Variants in ELMO1 observed in about 807,000 individuals in gnomAD.
ELMO1 encodes the protein engulfment and cell motility protein 1.
ELMO1 carries 26 observed loss-of-function variants against 98.9 expected under a neutral mutation model. The observed-to-expected ratio is 0.26, with a 90% CI of 0.19 to 0.36. The LOEUF (loss-of-function observed/expected upper bound fraction) is 0.36, where lower values mean the gene tolerates loss of function less well. ELMO1 is among the 10% of genes least tolerant of loss of function. The pLI is 1.00. For synonymous variants in ELMO1, 346 were observed against 346.0 expected, an observed-to-expected ratio of 1.00 and a Z score of 0.00; for missense variants, 627 against 935.2, an observed-to-expected ratio of 0.67 and a Z score of 4.30.
At chr7:37,090,319 T>A (rs1381205107) in intron 15 of ELMO1, among the ~76,000 whole-genome samples, 2 of 152,216 alleles carry the variant, frequency 1.3e-5, no homozygotes, top group Non-Finnish European at 2.9e-5. Context: ...CTGTACACCA[T>A]CATGCTCACA....
intron 1 of ELMO1, among the ~76,000 whole-genome samples, chr7:37,448,396 CCCCT>C (rs1296112533): frequency 6.6e-6 from 1 of 152,014 alleles, no homozygotes; most frequent in Non-Finnish European, 1.5e-5. Context: ...CCTCCAGCGC[CCCCT>C]CCCTCCGCTC....
At chr7:36,860,627 AC>A (rs1212551026) in intron 21 of ELMO1, among the ~76,000 whole-genome samples, 1 of 152,250 alleles carries the variant, frequency 6.6e-6, no homozygotes, top group East Asian at 1.9e-4. Flanking sequence ...GTAGTTTTGT[AC>A]ACAGCTCTAT....
At chr7:37,385,635 G>C (rs1243032024) in intron 1 of ELMO1, among the ~76,000 whole-genome samples, 1 of 152,230 alleles carries the variant, frequency 6.6e-6, no homozygotes, top group Non-Finnish European at 1.5e-5. Context: ...GAATAGAAAA[G>C]AAGCTTCATG....
intron 1 of ELMO1, among the ~76,000 whole-genome samples, chr7:37,413,651 G>C (rs182604677): frequency 1.3e-5 from 2 of 152,182 alleles, no homozygotes; most frequent in Admixed American, 6.5e-5. Flanking sequence ...TGTCACTCAG[G>C]AAAACACCCT....
At chr7:36,899,916 T>C (rs1806365325) in intron 16 of ELMO1, among the ~76,000 whole-genome samples, 1 of 152,104 alleles carries the variant, frequency 6.6e-6, no homozygotes, top group Admixed American at 6.5e-5. Flanking sequence ...CCTAATATAC[T>C]GAATAGAACA....
intron 15 of ELMO1, among the ~76,000 whole-genome samples, chr7:37,090,157 A>C (rs1039131208): frequency 2.6e-5 from 4 of 151,750 alleles, no homozygotes; most frequent in African/African-American, 9.7e-5. Context: ...TAATGACATC[A>C]CCGGACAGGT....
At chr7:37,419,612 A>T (rs1804383924) in intron 1 of ELMO1, 1 of 130,280 alleles carries the variant, frequency 7.7e-6, no homozygotes, top group Admixed American at 8.8e-5. Flanking sequence ...AGATGCAGAA[A>T]ACTATAAAGA....
At chr7:37,082,619 T>C (rs538033000) in intron 15 of ELMO1, among the ~76,000 whole-genome samples, 28 of 152,212 alleles carry the variant, frequency 1.8e-4, no homozygotes, top group African/African-American at 6.7e-4. Flanking sequence ...TGGTTCCAGC[T>C]ACTTGGGAGG....
chr7:36,903,191 T>G (rs1783706080), intron 16 of ELMO1, among the ~76,000 whole-genome samples: 2 of 152,214 alleles, frequency 1.3e-5, no homozygotes. Flanking sequence ...TCCTGTGCCT[T>G]CATTCCTGCC....
chr7:37,252,400 C>T (rs1795400434), intron 6 of ELMO1, among the ~76,000 whole-genome samples: 1 of 152,192 alleles, frequency 6.6e-6, no homozygotes, highest in African/African-American at 2.4e-5. Flanking sequence ...ACCAATGGAA[C>T]AGAACAAGAC....
chr7:37,138,319 C>A lies in ELMO1; in HGVS notation c.1087-5085G>T, dbSNP rs187081126. Reference sequence around the variant, plus strand: ...AAGATAAAAAAAAAAAGAAGATAGACCATTAGTGAGATTAACCAAAAAAAG... The same window carrying A: ...AAGATAAAAAAAAAAAGAAGATAGAACATTAGTGAGATTAACCAAAAAAAG... On this transcript the variant is annotated intron_variant, in intron 13 of 21. Transcript: ENST00000310758. Among the ~76,000 whole-genome samples the A allele has an allele frequency of 2.3e-3, 341 of 148,942 alleles. 1 individual carries two copies. Among genetic ancestry groups the A allele is most frequent in the African/African-American group, 7.9e-3 (321 of 40,710 alleles).
At chr7:36,989,510 A>G (rs1791730640) in intron 16 of ELMO1, among the ~76,000 whole-genome samples, 1 of 152,232 alleles carries the variant, frequency 6.6e-6, no homozygotes, top group South Asian at 2.1e-4. Flanking sequence ...ATGTTTTTGT[A>G]AAGGAGGAGA....
intron 15 of ELMO1, among the ~76,000 whole-genome samples, chr7:37,084,447 C>T (rs145524934): frequency 6.6e-6 from 1 of 152,246 alleles, no homozygotes; most frequent in African/African-American, 2.4e-5. Context: ...GAGTCTAGTC[C>T]TCAAAGGGCT....
intron 6 of ELMO1, among the ~76,000 whole-genome samples, chr7:37,255,171 T>G (rs922442886): frequency 1.3e-5 from 2 of 152,182 alleles, no homozygotes; most frequent in Admixed American, 1.3e-4. Flanking sequence ...TGGGACAGTA[T>G]TTGGAGATAA....
chr7:36,995,560 G>C (rs1792148993), intron 16 of ELMO1, among the ~76,000 whole-genome samples: 2 of 151,642 alleles, frequency 1.3e-5, no homozygotes, highest in Non-Finnish European at 2.9e-5. Context: ...ATTTAGTTGA[G>C]ATATAATTTT....
At chr7:37,280,774 A>G (rs1797094602) in intron 4 of ELMO1, among the ~76,000 whole-genome samples, 1 of 152,126 alleles carries the variant, frequency 6.6e-6, no homozygotes, top group Non-Finnish European at 1.5e-5. Flanking sequence ...TACTATAGCC[A>G]CTGTGGAAAC....
intron 15 of ELMO1, among the ~76,000 whole-genome samples, chr7:37,086,743 C>CAAAAAAAAA (rs755237121): frequency 6.1e-5 from 3 of 48,812 alleles, no homozygotes; most frequent in Non-Finnish European, 1.3e-4. Flanking sequence ...ATCCTGTCTC[C>CAAAAAAAAA]AAAAAAAAAA....
At chr7:37,315,708 CAT>C (rs1799118473) in intron 3 of ELMO1, among the ~76,000 whole-genome samples, 1 of 152,218 alleles carries the variant, frequency 6.6e-6, no homozygotes, top group Non-Finnish European at 1.5e-5. Context: ...CCACTGTGCA[CAT>C]AACAGCCATT....
rs935253151 is a variant in ELMO1 at position 37,244,207 on chromosome 7, G to A, written c.449+149C>T. 1.0e-5 allele frequency: 9 copies of A among 866,138 alleles called. No individual in the cohort carries two copies. In the East Asian group the frequency reaches 2.4e-4, roughly 23 times the overall value. The allele number at this position is 866,138 out of a possible 1,614,324, so 53.7% of individuals were successfully genotyped here. A position where few individuals can be genotyped will look rare whatever the true frequency, so the allele number is the denominator to read the frequency against. On this transcript the variant is annotated intron_variant, in intron 7 of 21. Coordinates refer to ENST00000310758, the MANE Select transcript of ELMO1 (RefSeq NM_014800.11). Reference sequence around the variant, plus strand: ...ATTTTTGAAGAAGTTGTTTATAAAAGAACATCAAATAGAAAACAAAAATAA... The same window carrying A: ...ATTTTTGAAGAAGTTGTTTATAAAAAAACATCAAATAGAAAACAAAAATAA...
Sources: allele counts gnomAD v4.1 joint callset (sites outside exome capture counted in the v4.1 genomes callset), GRCh38; gene constraint gnomAD v4.1.1; transcripts MANE v1.5; gene names NCBI Gene and HGNC (gene_info 2026-07-23, HGNC 2026-07-21).